Variants in MAML3 observed in about 807,000 individuals in gnomAD.
MAML3 encodes mastermind-like protein 3.
MAML3 carries 27 observed loss-of-function variants against 101.9 expected under a neutral mutation model. That is an observed-to-expected ratio of 0.27 (90% CI 0.20 to 0.37). The LOEUF is 0.37. Ranked by LOEUF, MAML3 falls within the 10% of genes least tolerant of loss-of-function variation. The pLI is 1.00. For synonymous variants in MAML3, 501 were observed against 555.9 expected (o/e 0.90, Z 1.39); for missense variants, 1,316 against 1,444.9 (o/e 0.91, Z 1.45).
At chr4:140,005,510 G>GA (rs2110850848) in intron 1 of MAML3, among the ~76,000 whole-genome samples, 1 of 152,340 alleles carries the variant, frequency 6.6e-6, no homozygotes, top group African/African-American at 2.4e-5. Flanking sequence ...ATGATGACAG[G>GA]AATAGGGCTT....
chr4:140,071,013 C>T (rs1254005854), intron 1 of MAML3, among the ~76,000 whole-genome samples: 4 of 152,176 alleles, frequency 2.6e-5, no homozygotes, highest in Non-Finnish European at 1.5e-5. Flanking sequence ...TAATAATGTG[C>T]CACCTAAGGA....
chr4:140,110,917 T>C (rs756734251), intron 1 of MAML3, among the ~76,000 whole-genome samples: 2 of 152,208 alleles, frequency 1.3e-5, no homozygotes, highest in Non-Finnish European at 2.9e-5. Context: ...TATGATGGAA[T>C]ACATACCAAC....
At chr4:139,919,735 T>C (rs1733089426) in intron 1 of MAML3, among the ~76,000 whole-genome samples, 1 of 152,226 alleles carries the variant, frequency 6.6e-6, no homozygotes, top group Non-Finnish European at 1.5e-5. Flanking sequence ...TAGTTTACTA[T>C]TTATAACTAT....
At chr4:139,790,770 C>A (rs559112913) in intron 2 of MAML3, among the ~76,000 whole-genome samples, 69 of 152,068 alleles carry the variant, frequency 4.5e-4, no homozygotes, top group Non-Finnish European at 7.8e-4. Context: ...ATGTACATAC[C>A]ACATTTTGAT....
intron 1 of MAML3, among the ~76,000 whole-genome samples, chr4:140,120,152 G>A (rs1428110442): frequency 6.6e-6 from 1 of 151,730 alleles, no homozygotes; most frequent in Admixed American, 6.6e-5. Context: ...CAGGAGAATG[G>A]CGTGAACCCG....
rs970299434 is a variant in MAML3 at position 139,717,315 on chromosome 4, T to C, written c.*2008A>G. Reference sequence around the variant, plus strand: ...CTCCAGTTTCTCATCATTGCTTATATATTTATTTCCTGTACCTTTCAGGAA... The same window carrying C: ...CTCCAGTTTCTCATCATTGCTTATACATTTATTTCCTGTACCTTTCAGGAA... On this transcript the variant is annotated 3_prime_UTR_variant, in exon 5 of 5. Coordinates refer to ENST00000509479, the MANE Select transcript of MAML3 (RefSeq NM_018717.5). 1.3e-5 allele frequency: 2 copies of C among 152,634 alleles called. No homozygotes were observed. The highest frequency in any genetic ancestry group is 2.9e-5 in the Non-Finnish European group (2 of 68,042). 9.5% of individuals were successfully genotyped at this position (152,634 alleles called of 1,614,324 possible).
intron 2 of MAML3, among the ~76,000 whole-genome samples, chr4:139,813,437 A>G (rs945534232): frequency 6.6e-6 from 1 of 152,196 alleles, no homozygotes; most frequent in African/African-American, 2.4e-5. Flanking sequence ...TGTTTCCAAA[A>G]GTGGGAATTA....
chr4:140,138,651 G>A (rs562959850), intron 1 of MAML3, among the ~76,000 whole-genome samples: 61 of 152,150 alleles, frequency 4.0e-4, no homozygotes, highest in Middle Eastern at 3.4e-3. Flanking sequence ...CACTGCTATC[G>A]CCACACACTC....
At chr4:139,722,164 G>A (rs1728263341) in intron 4 of MAML3, among the ~76,000 whole-genome samples, 1 of 152,174 alleles carries the variant, frequency 6.6e-6, no homozygotes, top group Admixed American at 6.5e-5. Flanking sequence ...TTTCTTTAGA[G>A]GGCAGAAGCG....
At chr4:139,984,644 T>C (rs544471241) in intron 1 of MAML3, among the ~76,000 whole-genome samples, 15 of 152,302 alleles carry the variant, frequency 9.8e-5, no homozygotes, top group Non-Finnish European at 1.9e-4. Flanking sequence ...AGGAATTGGC[T>C]CATGCGACTG....
intron 2 of MAML3, among the ~76,000 whole-genome samples, chr4:139,775,895 TTTC>T (rs1730086777): frequency 6.6e-6 from 1 of 152,192 alleles, no homozygotes; most frequent in Non-Finnish European, 1.5e-5. Context: ...TTAGGAAATA[TTTC>T]TAAGGTACAA....
intron 2 of MAML3, among the ~76,000 whole-genome samples, chr4:139,820,670 A>G (rs991079922): frequency 6.6e-6 from 1 of 152,182 alleles, no homozygotes; most frequent in Non-Finnish European, 1.5e-5. Flanking sequence ...TTCACTTATT[A>G]CAGCGTGGAC....
intron 2 of MAML3, among the ~76,000 whole-genome samples, chr4:139,753,341 A>AACCTATCT (rs148111271): frequency 2.7e-5 from 4 of 146,578 alleles, no homozygotes; most frequent in African/African-American, 1.0e-4. Flanking sequence ...TTTTCTTTTT[A>AACCTATCT]ATCTATCTAT....
chr4:139,877,516 T>C (rs181472190), intron 2 of MAML3, among the ~76,000 whole-genome samples: 1 of 152,318 alleles, frequency 6.6e-6, no homozygotes, highest in East Asian at 1.9e-4. Context: ...TAAATCTTTA[T>C]AATAAAAATA....
chr4:139,866,275 G>T (rs1031633541), intron 2 of MAML3, among the ~76,000 whole-genome samples: 1 of 152,160 alleles, frequency 6.6e-6, no homozygotes, highest in African/African-American at 2.4e-5. Flanking sequence ...TCTTGCCTTG[G>T]GCTCCACAAA....
chr4:140,124,857 G>A (rs369192280), intron 1 of MAML3, among the ~76,000 whole-genome samples: 2 of 152,172 alleles, frequency 1.3e-5, no homozygotes, highest in African/African-American at 4.8e-5. Flanking sequence ...GGGTCATGAC[G>A]AGAGCAATTC....
At chr4:139,845,954 A>G (rs1731438491) in intron 2 of MAML3, among the ~76,000 whole-genome samples, 1 of 152,196 alleles carries the variant, frequency 6.6e-6, no homozygotes, top group Non-Finnish European at 1.5e-5. Flanking sequence ...TTCATCTAGA[A>G]TATATTTTTA....
chr4:139,934,735 C>A (rs1733472612), intron 1 of MAML3, among the ~76,000 whole-genome samples: 1 of 152,152 alleles, frequency 6.6e-6, no homozygotes, highest in African/African-American at 2.4e-5. Flanking sequence ...CAAACTCAAC[C>A]ACTAAAGTGT....
At chr4:139,837,642 A>G (rs1183511601) in intron 2 of MAML3, among the ~76,000 whole-genome samples, 1 of 151,936 alleles carries the variant, frequency 6.6e-6, no homozygotes, top group East Asian at 2.0e-4. Context: ...AGGATAGGCC[A>G]GGCACTGTGG....
Sources: allele counts gnomAD v4.1 joint callset (sites outside exome capture counted in the v4.1 genomes callset), GRCh38; gene constraint gnomAD v4.1.1; transcripts MANE v1.5; gene names NCBI Gene and HGNC (gene_info 2026-07-23, HGNC 2026-07-21).